The following AQR variants were observed in gnomAD, a reference collection of about 807,000 sequenced individuals.
AQR encodes RNA helicase aquarius.
In AQR, 61 loss-of-function variants were observed where a neutral mutation model predicts 180.5. The observed-to-expected ratio is 0.34, with a 90% CI of 0.28 to 0.42. The LOEUF (loss-of-function observed/expected upper bound fraction) is 0.42, where lower values mean the gene tolerates loss of function less well. Ranked by LOEUF, AQR falls within the 10% of genes least tolerant of loss-of-function variation. The pLI is 1.00. For missense variants in AQR, 1,281 were observed against 1,798.3 expected (o/e 0.71, Z 5.20); for synonymous variants, 551 against 588.8 (o/e 0.94, Z 0.93).
chr15:34,860,382 T>G lies in AQR; in HGVS notation c.4030-227A>C, dbSNP rs1892652393. 2.0e-5 allele frequency among the ~76,000 whole-genome samples: 3 copies of G among 151,666 alleles called. No homozygotes were observed. The South Asian group carries it at 6.2e-4, about 32-fold the overall frequency. The stretch of plus-strand genomic sequence containing the variant: ...AAAAAGGGGGCCCAGGTCAGCACGC[T>G]CTGCCTGCTGGCCACGTGACTCCCA... On this transcript the variant is annotated intron_variant, in intron 33 of 34. Coordinates refer to ENST00000156471, the MANE Select transcript of AQR (RefSeq NM_014691.3).
intron 27 of AQR, among the ~76,000 whole-genome samples, chr15:34,878,343 G>A (rs59520006): frequency 0.023 from 3,056 of 130,982 alleles, 114 homozygotes; most frequent in African/African-American, 0.085. Flanking sequence ...CCGAGATCAC[G>A]CCATTGCACT....
chr15:34,868,842 CTTT>C (rs2140460654), intron 31 of AQR: 1 of 152,142 alleles, frequency 6.6e-6, no homozygotes, highest in South Asian at 2.1e-4. Context: ...AAATTCATAC[CTTT>C]TTGAGTATTC....
chr15:34,882,488 C>T lies in AQR; in HGVS notation c.3165+14G>A. On this transcript the variant is annotated intron_variant, in intron 27 of 34. Transcript: ENST00000156471. ...CTTAAAAAAAAAAAAAAAAAAACTACCATAAGTCTTTACCTTGAAACCTAG... is the reference window on the plus strand; with the variant it reads ...CTTAAAAAAAAAAAAAAAAAAACTATCATAAGTCTTTACCTTGAAACCTAG... 1 of 1,374,354 alleles carries T rather than the reference C, an allele frequency of 7.3e-7. No homozygotes were observed. The highest frequency in any genetic ancestry group is 1.7e-5 in the African/African-American group (1 of 58,534). The allele number at this position is 1,374,354 out of a possible 1,614,324, so 85.1% of individuals were successfully genotyped here. A position where few individuals can be genotyped will look rare whatever the true frequency, so the allele number is the denominator to read the frequency against.
chr15:34,946,866 G>A (rs1322676693), intron 5 of AQR, among the ~76,000 whole-genome samples: 16 of 130,418 alleles, frequency 1.2e-4, no homozygotes, highest in African/African-American at 2.7e-4. Flanking sequence ...CCAGCCAGCC[G>A]CCCCGTCCGG....
At chr15:34,935,663 T>A (rs1266792940) in intron 9 of AQR, among the ~76,000 whole-genome samples, 1 of 152,190 alleles carries the variant, frequency 6.6e-6, no homozygotes, top group Non-Finnish European at 1.5e-5. Context: ...TAGAAATTAT[T>A]AGCTGGAAAA....
At chr15:34,916,415 T>C (rs1893587720) in intron 15 of AQR, among the ~76,000 whole-genome samples, 1 of 150,280 alleles carries the variant, frequency 6.7e-6, no homozygotes, top group South Asian at 2.2e-4. Context: ...TGATAAGTCA[T>C]AGTCTCATCA....
At chr15:34,914,315 C>T (rs1404253265) in intron 16 of AQR, among the ~76,000 whole-genome samples, 1 of 152,156 alleles carries the variant, frequency 6.6e-6, no homozygotes, top group Non-Finnish European at 1.5e-5. Flanking sequence ...ACCAAATTAA[C>T]CTTACAAATT....
rs913560557 is a variant in AQR at position 34,874,089 on chromosome 15, T to G, written c.3426-90A>C. 4 of 1,271,878 alleles carry G rather than the reference T, an allele frequency of 3.1e-6. No homozygotes were observed. In the African/African-American group the frequency reaches 4.6e-5, roughly 15 times the overall value. 78.8% of individuals were successfully genotyped at this position (1,271,878 alleles called of 1,614,324 possible). On this transcript the variant is annotated intron_variant, in intron 29 of 34. Transcript: ENST00000156471. The stretch of plus-strand genomic sequence containing the variant: ...CATAAGGAGGTTTCTGTTTCTGTGC[T>G]TCTTTTAAATTTTCATGTTAGCCAT...
intron 24 of AQR, among the ~76,000 whole-genome samples, chr15:34,889,231 G>C (rs1212348605): frequency 2.6e-5 from 4 of 152,148 alleles, no homozygotes. Context: ...TAAGAATATA[G>C]AGCCCTAAAT....
chr15:34,962,572 C>T (rs2050285908), intron 2 of AQR, among the ~76,000 whole-genome samples: 1 of 151,910 alleles, frequency 6.6e-6, no homozygotes, highest in Non-Finnish European at 1.5e-5. Context: ...AGTTTGAGAC[C>T]AGCCTGGCCA....
At chr15:34,913,388 C>T (rs753523401) in intron 16 of AQR, among the ~76,000 whole-genome samples, 2 of 152,166 alleles carry the variant, frequency 1.3e-5, no homozygotes, top group Admixed American at 6.5e-5. Context: ...AATGCCTCTG[C>T]TGGTTTTCAT....
chr15:34,951,667 C>CAAA (rs35929298), intron 4 of AQR, among the ~76,000 whole-genome samples: 141 of 74,850 alleles, frequency 1.9e-3, no homozygotes, highest in Admixed American at 2.9e-3. Flanking sequence ...GAGACTGTCT[C>CAAA]AAAAAAAAAA....
At chr15:34,926,949 G>A in intron 13 of AQR, 86 bp downstream of exon 13, 4 of 742,196 alleles carry the variant, frequency 5.4e-6, no homozygotes, top group Non-Finnish European at 8.3e-6. Context: ...CTAAAGTACT[G>A]CAAAATGATT....
Position 34,882,604 on chromosome 15 carries a change from C to G in AQR, c.3063G>C (p.Leu1021=), listed in dbSNP as rs377513564. 1 of 1,610,188 alleles carries G rather than the reference C, an allele frequency of 6.2e-7. No individual in the cohort carries two copies. Among genetic ancestry groups the G allele is most frequent in the African/African-American group, 1.3e-5 (1 of 74,728 alleles). Residue 1021 remains leucine (L), a synonymous_variant, in exon 27 of 35, where the codon CTG becomes CTC. Transcript: ENST00000156471. ...TCACTAAAAGGTATTTAGATCTGTC[C>G]AGTCCACTTCGAAGCAATTCAGAGG... ...FRASELLRSG[L]DRSKYLLVKE...
intron 31 of AQR, 42 bp from the exon 32 acceptor site, chr15:34,867,651 CAA>C: frequency 1.5e-6 from 2 of 1,371,658 alleles, no homozygotes; most frequent in Admixed American, 3.5e-5. Flanking sequence ...TTGCAAAAGC[CAA>C]AAGACACTAG....
chr15:34,934,527 C>A (rs769515462), intron 10 of AQR, 44 bp downstream of exon 10: 11 of 1,419,610 alleles, frequency 7.7e-6, no homozygotes, highest in Non-Finnish European at 1.1e-5. Context: ...AATCTTAGAC[C>A]CCCTAATGAT....
chr15:34,856,978 G>A lies in AQR; in HGVS notation c.4272C>T (p.Thr1424=). The A allele has an allele frequency of 6.2e-7, 1 of 1,614,104 alleles. No individual in the cohort carries two copies. Among genetic ancestry groups the A allele is most frequent in the African/African-American group, 1.3e-5 (1 of 75,030 alleles). ...AGGCTGGAGTTTCTTGACGGCAGCT[G>A]GTGTCTGTTGGACTGGGTATGATGT... ...QADIIPSPTD[T]SCRQETPAFQ... is the part of the protein sequence containing the mutation. The change falls in exon 35 of 35, where the codon ACC becomes ACT. Residue 1424 remains threonine (T), a synonymous_variant. Transcript: ENST00000156471.
At chr15:34,950,600 T>C (rs1320621837) in intron 4 of AQR, among the ~76,000 whole-genome samples, 1 of 152,106 alleles carries the variant, frequency 6.6e-6, no homozygotes, top group Non-Finnish European at 1.5e-5. Context: ...ACATATTATA[T>C]TTCTTCTCTT....
chr15:34,885,455 T>C (rs1302315126), intron 25 of AQR, among the ~76,000 whole-genome samples: 12 of 152,152 alleles, frequency 7.9e-5, no homozygotes, highest in African/African-American at 2.9e-4. Flanking sequence ...TCCACCTCTA[T>C]TGAATGAGAA....
Sources: allele counts gnomAD v4.1 joint callset (sites outside exome capture counted in the v4.1 genomes callset), GRCh38; gene constraint gnomAD v4.1.1; transcripts MANE v1.5; gene names NCBI Gene and HGNC (gene_info 2026-07-23, HGNC 2026-07-21).